The following GBE1 variants were observed in gnomAD, a reference collection of about 807,000 sequenced individuals.
GBE1 encodes 1,4-alpha-glucan-branching enzyme.
GBE1 carries 70 observed loss-of-function variants against 88.8 expected under a neutral mutation model. The ratio of observed to expected loss-of-function variants is 0.79; its 90% CI spans 0.65 to 0.96. The LOEUF (loss-of-function observed/expected upper bound fraction) is 0.96. Ranked by LOEUF, GBE1 falls within the 40% of genes least tolerant of loss-of-function variation. The pLI is 0.00. For missense variants in GBE1, 872 were observed against 871.0 expected, an observed-to-expected ratio of 1.00 and a Z score of -0.01; for synonymous variants, 284 against 300.1, an observed-to-expected ratio of 0.95 and a Z score of 0.56.
intron 12 of GBE1, among the ~76,000 whole-genome samples, chr3:81,543,166 AT>A (rs992534254): frequency 2.0e-5 from 3 of 152,110 alleles, no homozygotes; most frequent in Non-Finnish European, 4.4e-5. Flanking sequence ...TAATGATTCT[AT>A]TTTATTAGAA....
At position 81,687,508 on chromosome 3, in the gene GBE1, G is replaced by A. The variant is rs139059339; in HGVS notation, c.314-16555C>T. Among the ~76,000 whole-genome samples, 20 of 152,242 alleles carry A rather than the reference G, an allele frequency of 1.3e-4. No homozygotes were observed. In the East Asian group the frequency reaches 2.5e-3, roughly 19 times the overall value. On this transcript the variant is annotated intron_variant, in intron 2 of 15. Transcript: ENST00000429644. ...TCTGAAAAGTCAAGGCAACTATTAC[G>A]TGAATGAAAAATGAGGAGGTAGTAA... is the stretch of plus-strand genomic sequence containing the variant.
At chr3:81,580,595 TA>T (rs1703713991) in intron 11 of GBE1, among the ~76,000 whole-genome samples, 1 of 152,052 alleles carries the variant, frequency 6.6e-6, no homozygotes, top group African/African-American at 2.4e-5. Context: ...TGAGCCAAAA[TA>T]GGAGTGGCTT....
chr3:81,563,044 A>G (rs1703441482), intron 12 of GBE1, among the ~76,000 whole-genome samples: 1 of 152,040 alleles, frequency 6.6e-6, no homozygotes, highest in South Asian at 2.1e-4. Context: ...ACTCATCACT[A>G]CGTTCTATGA....
chr3:81,624,428 C>T (rs1371139889), intron 7 of GBE1, among the ~76,000 whole-genome samples: 2 of 152,156 alleles, frequency 1.3e-5, no homozygotes, highest in Non-Finnish European at 2.9e-5. Flanking sequence ...TTCATAAAGC[C>T]TCCTGCTCCT....
intron 4 of GBE1, among the ~76,000 whole-genome samples, 186 bp downstream of exon 4, chr3:81,649,610 T>C (rs1704816265): frequency 1.3e-5 from 2 of 152,158 alleles, no homozygotes; most frequent in African/African-American, 4.8e-5. Flanking sequence ...AACTAACTTC[T>C]ATATGTTACT....
At chr3:81,539,637 AT>A (rs1248318991) in intron 12 of GBE1, among the ~76,000 whole-genome samples, 1 of 152,036 alleles carries the variant, frequency 6.6e-6, no homozygotes, top group African/African-American at 2.4e-5. Context: ...TTCAAATGGC[AT>A]TTCTGAGATG....
Position 81,702,098 on chromosome 3 carries a change from AGAGAGTGTGT to A in GBE1, c.313+3336_313+3345del, listed in dbSNP as rs1324792802. Among the ~76,000 whole-genome samples, 72 of 40,750 alleles carry A rather than the reference AGAGAGTGTGT, an allele frequency of 1.8e-3. 2 individuals carry two copies. Among genetic ancestry groups the A allele is most frequent in the South Asian group, 0.017 (13 of 746 alleles). 26.7% of individuals were successfully genotyped at this position (40,750 alleles called of 152,430 possible). On this transcript the variant is annotated intron_variant, in intron 2 of 15. Transcript: ENST00000429644. The stretch of plus-strand genomic sequence containing the variant: ...AGAATCCCTGGAGAGAGAGAGAGAG[AGAGAGTGTGT>A]GTGTGTGTGTGTGTGTGTGTGTGTG...
chr3:81,557,020 T>G (rs1262007327), intron 12 of GBE1, among the ~76,000 whole-genome samples: 1 of 152,026 alleles, frequency 6.6e-6, no homozygotes, highest in Non-Finnish European at 1.5e-5. Flanking sequence ...AAATGCCCAG[T>G]AAAATAGGTA....
At chr3:81,575,705 T>C (rs1466166244) in intron 12 of GBE1, among the ~76,000 whole-genome samples, 2 of 152,192 alleles carry the variant, frequency 1.3e-5, no homozygotes, top group East Asian at 1.9e-4. Flanking sequence ...CTTAAATTGC[T>C]CTTTTTAAAT....
intron 1 of GBE1, among the ~76,000 whole-genome samples, chr3:81,712,777 C>T (rs1204782309): frequency 4.6e-5 from 7 of 151,708 alleles, no homozygotes; most frequent in Admixed American, 4.6e-4. Context: ...TGCACATATA[C>T]CCTAGAACTT....
intron 7 of GBE1, among the ~76,000 whole-genome samples, chr3:81,604,340 T>C (rs894032975): frequency 2.0e-5 from 3 of 148,618 alleles, no homozygotes; most frequent in African/African-American, 7.5e-5. Flanking sequence ...CAGGCTGATA[T>C]GCAGTGGCAC....
At chr3:81,581,463 A>G (rs1055312717) in intron 10 of GBE1, among the ~76,000 whole-genome samples, 188 bp from the exon 11 acceptor site, 3 of 151,940 alleles carry the variant, frequency 2.0e-5, no homozygotes, top group African/African-American at 7.2e-5. Context: ...GAATGTCCAA[A>G]TGACAGTGGT....
At chr3:81,756,781 A>G (rs1706608962) in intron 1 of GBE1, among the ~76,000 whole-genome samples, 1 of 152,224 alleles carries the variant, frequency 6.6e-6, no homozygotes, top group Non-Finnish European at 1.5e-5. Context: ...AATAGCATGT[A>G]CAAAAGCACA....
At chr3:81,572,525 T>C (rs186563955) in intron 12 of GBE1, among the ~76,000 whole-genome samples, 3 of 152,338 alleles carry the variant, frequency 2.0e-5, no homozygotes, top group East Asian at 3.9e-4. Context: ...CATTTTCAAA[T>C]TTATGATTAA....
chr3:81,668,563 T>C (rs1327302087), intron 3 of GBE1, among the ~76,000 whole-genome samples: 1 of 152,144 alleles, frequency 6.6e-6, no homozygotes, highest in Non-Finnish European at 1.5e-5. Context: ...TATGTTGGTA[T>C]TTTTCATGCC....
intron 7 of GBE1, among the ~76,000 whole-genome samples, chr3:81,603,970 A>C (rs900230497): frequency 2.0e-5 from 3 of 152,156 alleles, no homozygotes; most frequent in African/African-American, 7.2e-5. Flanking sequence ...AATGACATCC[A>C]CACTCAAAAA....
chr3:81,701,791 T>C (rs936279135), intron 2 of GBE1, among the ~76,000 whole-genome samples: 1 of 151,916 alleles, frequency 6.6e-6, no homozygotes, highest in African/African-American at 2.4e-5. Context: ...CTGGTAAAGA[T>C]AGGGTCTATC....
chr3:81,491,119 C>T (rs926065045), intron 15 of GBE1, among the ~76,000 whole-genome samples: 10 of 152,188 alleles, frequency 6.6e-5, no homozygotes, highest in East Asian at 1.9e-4. Context: ...AAACACTCCC[C>T]TTTTGTTGGA....
chr3:81,723,036 T>C (rs1706057292), intron 1 of GBE1, among the ~76,000 whole-genome samples: 1 of 151,466 alleles, frequency 6.6e-6, no homozygotes, highest in Admixed American at 6.6e-5. Context: ...CACTCCTGAA[T>C]AAAATATCAC....
Sources: gnomAD v4.1 joint callset for allele counts (sites outside exome capture counted in the v4.1 genomes callset) on GRCh38, gnomAD v4.1.1 for gene constraint, MANE v1.5 for transcripts, NCBI Gene and HGNC (gene_info 2026-07-23, HGNC 2026-07-21) for gene names.